The following SHCBP1L variants were observed in gnomAD, a reference collection of about 807,000 sequenced individuals.
The protein encoded by SHCBP1L is SHC binding and spindle associated 1 like.
SHCBP1L carries 67 observed loss-of-function variants against 62.5 expected under a neutral mutation model. The ratio of observed to expected loss-of-function variants is 1.07; its 90% CI spans 0.88 to 1.31. SHCBP1L has a LOEUF of 1.31. Among genes scored for constraint, SHCBP1L ranks in the 40% most tolerant of loss-of-function variants. SHCBP1L has a pLI of 0.00. For synonymous variants in SHCBP1L, 284 were observed against 289.4 expected, an observed-to-expected ratio of 0.98 and a Z score of 0.19; for missense variants, 823 against 809.8, an observed-to-expected ratio of 1.02 and a Z score of -0.20.
intron 6 of SHCBP1L, among the ~76,000 whole-genome samples, chr1:182,915,161 C>CAAAAAAAAAAAAAAAAA (rs371432299): frequency 6.3e-5 from 2 of 31,906 alleles, no homozygotes; most frequent in East Asian, 1.7e-3. Context: ...GACTCTGTCT[C>CAAAAAAAAAAAAAAAAA]AAAAAAAAAA....
chr1:182,927,088 A>ACTCTC, intron 6 of SHCBP1L, among the ~76,000 whole-genome samples: 1 of 32,884 alleles, frequency 3.0e-5, no homozygotes, highest in African/African-American at 1.5e-4. Flanking sequence ...ATATATATAT[A>ACTCTC]TATATATATA....
intron 6 of SHCBP1L, among the ~76,000 whole-genome samples, chr1:182,906,230 C>G (rs958924291): frequency 2.6e-5 from 4 of 151,934 alleles, no homozygotes; most frequent in African/African-American, 9.7e-5. Flanking sequence ...GCCACCGTGC[C>G]CGGCAACGTA....
At chr1:182,938,309 G>A (rs948103891) in intron 5 of SHCBP1L, among the ~76,000 whole-genome samples, 1 of 152,102 alleles carries the variant, frequency 6.6e-6, no homozygotes, top group Non-Finnish European at 1.5e-5. Context: ...GTTTCTCCAT[G>A]TTGAGGCTGG....
chr1:182,924,761 AAAGAAAGAAAG>A (rs1650644340), intron 6 of SHCBP1L, among the ~76,000 whole-genome samples: 1 of 110,494 alleles, frequency 9.1e-6, no homozygotes, highest in South Asian at 3.4e-4. Flanking sequence ...AGAAAGAAAG[AAAGAAAGAAAG>A]AAAGAAAGAA....
At chr1:182,915,608 GC>G (rs1162525421) in intron 6 of SHCBP1L, among the ~76,000 whole-genome samples, 3 of 151,854 alleles carry the variant, frequency 2.0e-5, no homozygotes, top group African/African-American at 4.8e-5. Context: ...TATATACACT[GC>G]CCCCCAAGTC....
rs1232104400 is a variant in SHCBP1L at position 182,952,841 on chromosome 1, TCAGGCACTGGCAG to T, written c.280_292del (p.Leu94ArgfsTer17). On this transcript the variant is annotated frameshift_variant, in exon 1 of 10. Transcript: ENST00000367547. LOFTEE classifies it high-confidence loss of function. ...CAGGGGCTGCGCCTCCTCTTCATCC[TCAGGCACTGGCAG>T]CAGGGGCTCCTCCGCCGCCGCCGCC... The T allele has an allele frequency of 1.9e-6, 3 of 1,611,584 alleles. No homozygotes were observed. The highest frequency in any genetic ancestry group is 1.7e-6 in the Non-Finnish European group (2 of 1,179,272).
Position 182,953,002 on chromosome 1 carries a change from C to A in SHCBP1L, c.132G>T (p.Ala44=), listed in dbSNP as rs1244522704. Residue 44 remains alanine, a synonymous_variant, in exon 1 of 10, where the codon GCG becomes GCT. Coordinates refer to ENST00000367547, the MANE Select transcript of SHCBP1L (RefSeq NM_030933.4). ...AGGCCACCACCGACCGCACTGGGAT[C>A]GCGGTGCCCTTCAGGGTGGTCGCGG... The part of the protein sequence containing the change: ...TAAATTLKGT[A]IPVRSVVASP... The A allele has an allele frequency of 1.3e-6, 2 of 1,542,828 alleles. No homozygotes were observed. Among genetic ancestry groups the A allele is most frequent in the Non-Finnish European group, 1.7e-6 (2 of 1,148,058 alleles).
rs754919031 is a variant in SHCBP1L at position 182,904,392 on chromosome 1, G to T, written c.1375C>A (p.Pro459Thr). The T allele has an allele frequency of 2.6e-5, 42 of 1,613,976 alleles. No homozygotes were observed. The highest frequency in any genetic ancestry group is 3.3e-5 in the Non-Finnish European group (39 of 1,180,026). ...KREEIMITSE[P>T]SRDSFVVSKA... ...GACACCACAAAACTGTCACGAGAAGGTTCAGAAGTAATCATAATTTCCTCT... is the reference window on the plus strand; with the variant it reads ...GACACCACAAAACTGTCACGAGAAGTTTCAGAAGTAATCATAATTTCCTCT... Residue 459 changes from proline (P) to threonine (T), a missense_variant, in exon 8 of 10, where the codon CCT becomes ACT. Pro to Thr is a conservative substitution (Grantham distance 38). Transcript: ENST00000367547.
intron 6 of SHCBP1L, among the ~76,000 whole-genome samples, chr1:182,910,655 A>G (rs548374492): frequency 6.6e-6 from 1 of 152,344 alleles, no homozygotes; most frequent in East Asian, 1.9e-4. Flanking sequence ...GGAAATCAGT[A>G]GTGAAATGCA....
intron 2 of SHCBP1L, among the ~76,000 whole-genome samples, chr1:182,947,236 C>CAAAA (rs761348678): frequency 3.2e-5 from 2 of 62,210 alleles, no homozygotes; most frequent in Admixed American, 1.7e-4. Flanking sequence ...GACTCTGTCT[C>CAAAA]AAAAAAAAAA....
chr1:182,923,692 T>C (rs1317717929), intron 6 of SHCBP1L, among the ~76,000 whole-genome samples: 1 of 152,188 alleles, frequency 6.6e-6, no homozygotes, highest in Non-Finnish European at 1.5e-5. Context: ...CAACATCTAT[T>C]CATCTTAAAA....
At chr1:182,919,935 A>G (rs1195571041) in intron 6 of SHCBP1L, among the ~76,000 whole-genome samples, 1 of 152,040 alleles carries the variant, frequency 6.6e-6, no homozygotes, top group African/African-American at 2.4e-5. Context: ...AAGTGCACAC[A>G]TACAGGCAGA....
Position 182,948,786 on chromosome 1 carries a change from T to C in SHCBP1L, c.555+2532A>G, listed in dbSNP as rs143122823. Among the ~76,000 whole-genome samples, 608 of 152,284 alleles carry C rather than the reference T, an allele frequency of 4.0e-3. 1 individual carries two copies. The highest frequency in any genetic ancestry group is 6.3e-3 in the Admixed American group (97 of 15,296). On this transcript the variant is annotated intron_variant, in intron 2 of 9. Coordinates refer to ENST00000367547, the MANE Select transcript of SHCBP1L (RefSeq NM_030933.4). ...ATTGTGACATCAGAACAAAGAGTAT[T>C]ATATAGCATTATTAATACTTCAACT...
intron 3 of SHCBP1L, 106 bp downstream of exon 3, chr1:182,940,222 GT>G: frequency 1.2e-6 from 1 of 856,704 alleles, no homozygotes; most frequent in Non-Finnish European, 1.8e-6. Context: ...GCAGTAGTGA[GT>G]GAAAATTAAA....
intron 6 of SHCBP1L, among the ~76,000 whole-genome samples, chr1:182,908,202 C>T (rs940297073): frequency 2.9e-5 from 4 of 137,154 alleles, no homozygotes; most frequent in Admixed American, 8.1e-5. Flanking sequence ...TTACTATGTT[C>T]GTTTATTGCA....
At chr1:182,936,646 C>T (rs183575206) in intron 5 of SHCBP1L, among the ~76,000 whole-genome samples, 7 of 152,208 alleles carry the variant, frequency 4.6e-5, no homozygotes, top group Admixed American at 1.3e-4. Context: ...TCTATCCTCC[C>T]ATCTTTTATG....
At chr1:182,941,212 T>A (rs1375134525) in intron 2 of SHCBP1L, among the ~76,000 whole-genome samples, 21 of 141,488 alleles carry the variant, frequency 1.5e-4, no homozygotes, top group African/African-American at 5.6e-4. Context: ...AGCCCTGCTA[T>A]CTGTATTACA....
At chr1:182,918,892 T>C (rs571137997) in intron 6 of SHCBP1L, among the ~76,000 whole-genome samples, 1 of 152,288 alleles carries the variant, frequency 6.6e-6, no homozygotes, top group African/African-American at 2.4e-5. Context: ...GATCATTCAA[T>C]GGGGAAAGAA....
chr1:182,940,252 G>C lies in SHCBP1L; in HGVS notation c.770+77C>G. 1.1e-5 allele frequency: 14 copies of C among 1,231,422 alleles called. No homozygotes were observed. The South Asian group carries it at 1.8e-4, about 16-fold the overall frequency. The allele number at this position is 1,231,422 out of a possible 1,614,324, so 76.3% of individuals were successfully genotyped here. ...AATTAAATCAGTAAGTGCTTGTAAA[G>C]CGATTATATGAACAAAACCTTCACA... On this transcript the variant is annotated intron_variant, in intron 3 of 9. Coordinates refer to ENST00000367547, the MANE Select transcript of SHCBP1L (RefSeq NM_030933.4).
Sources: gnomAD v4.1 joint callset for allele counts (sites outside exome capture counted in the v4.1 genomes callset) on GRCh38, gnomAD v4.1.1 for gene constraint, MANE v1.5 for transcripts, NCBI Gene and HGNC (gene_info 2026-07-23, HGNC 2026-07-21) for gene names.